The following AKAP19 variants were observed in gnomAD, a reference collection of about 807,000 sequenced individuals.
The protein encoded by AKAP19 is A-kinase anchoring protein 19.
chr2:190,202,442 A>T, the AKAP19 span: 1 of 167,056 alleles, frequency 6.0e-6, no homozygotes, highest in Non-Finnish European at 1.5e-5. Context: ...CAAATGAAAA[A>T]AGATGAATAA....
the AKAP19 span, among the ~76,000 whole-genome samples, chr2:190,045,492 G>A: frequency 2.6e-5 from 4 of 152,180 alleles, no homozygotes; most frequent in African/African-American, 9.6e-5. Flanking sequence ...CCCACTGAAA[G>A]CAGCAGTTTG....
At chr2:189,977,021 C>A in the AKAP19 span, among the ~76,000 whole-genome samples, 1 of 152,180 alleles carries the variant, frequency 6.6e-6, no homozygotes, top group Non-Finnish European at 1.5e-5. Flanking sequence ...TGAGATGAAG[C>A]TGCTACCCCA....
the AKAP19 span, among the ~76,000 whole-genome samples, chr2:189,938,834 C>T: frequency 2.6e-5 from 4 of 152,130 alleles, no homozygotes; most frequent in Non-Finnish European, 5.9e-5. Context: ...CCCATAAATA[C>T]ATATATCTAC....
chr2:189,894,585 A>G, the AKAP19 span, among the ~76,000 whole-genome samples: 5 of 151,944 alleles, frequency 3.3e-5, no homozygotes, highest in African/African-American at 4.8e-5. Context: ...TCTCATGACC[A>G]TATCAGACAA....
the AKAP19 span, among the ~76,000 whole-genome samples, chr2:190,093,552 T>C: frequency 6.6e-6 from 1 of 152,226 alleles, no homozygotes; most frequent in Admixed American, 6.5e-5. Context: ...TAGAGTTTAG[T>C]TTAACATTAT....
the AKAP19 span, among the ~76,000 whole-genome samples, chr2:190,088,090 A>G: frequency 1.3e-5 from 2 of 152,334 alleles, no homozygotes; most frequent in South Asian, 2.1e-4. Flanking sequence ...TATTATACCT[A>G]TTTTAAAGAT....
the AKAP19 span, among the ~76,000 whole-genome samples, chr2:189,975,413 G>A: frequency 5.4e-4 from 82 of 152,162 alleles, no homozygotes; most frequent in Non-Finnish European, 1.0e-3. Flanking sequence ...TGCCCTTAAC[G>A]TTTTTTCCTT....
At chr2:190,200,411 AGCACTTC>A in the AKAP19 span, 1 of 366,806 alleles carries the variant, frequency 2.7e-6, no homozygotes, top group Admixed American at 4.2e-5. Context: ...TGAATGTCAC[AGCACTTC>A]TTCCTAAGTA....
the AKAP19 span, among the ~76,000 whole-genome samples, chr2:189,993,360 A>C: frequency 1.3e-5 from 2 of 152,202 alleles, no homozygotes; most frequent in Non-Finnish European, 2.9e-5. Flanking sequence ...CCTGGTATGA[A>C]ACCCACTTGA....
chr2:189,974,846 C>T, the AKAP19 span, among the ~76,000 whole-genome samples: 1 of 152,150 alleles, frequency 6.6e-6, no homozygotes, highest in Non-Finnish European at 1.5e-5. Context: ...GATCTTCCTC[C>T]ATCCCTTTAT....
chr2:189,926,347 T>C, the AKAP19 span, among the ~76,000 whole-genome samples: 2 of 152,164 alleles, frequency 1.3e-5, no homozygotes, highest in African/African-American at 4.8e-5. Context: ...CAGGCTGGAG[T>C]GCAGTGGCGC....
At chr2:190,181,938 G>A in the AKAP19 span, among the ~76,000 whole-genome samples, 1 of 152,004 alleles carries the variant, frequency 6.6e-6, no homozygotes, top group Non-Finnish European at 1.5e-5. Context: ...ACATTATTTA[G>A]GCATTCTGCT....
chr2:189,885,867 G>A, the AKAP19 span, among the ~76,000 whole-genome samples: 1 of 152,200 alleles, frequency 6.6e-6, no homozygotes, highest in African/African-American at 2.4e-5. Flanking sequence ...GGAGTGCAAT[G>A]GTACAATCTC....
the AKAP19 span, among the ~76,000 whole-genome samples, chr2:190,089,080 C>T: frequency 2.6e-5 from 4 of 152,272 alleles, no homozygotes; most frequent in Non-Finnish European, 5.9e-5. Flanking sequence ...AATGCTCTTT[C>T]ATGTTGTAGT....
chr2:190,113,238 C>G, the AKAP19 span, among the ~76,000 whole-genome samples: 1 of 151,894 alleles, frequency 6.6e-6, no homozygotes, highest in African/African-American at 2.4e-5. Flanking sequence ...TGAAATTTTC[C>G]TCATGATATT....
At chr2:190,070,465 C>A in the AKAP19 span, among the ~76,000 whole-genome samples, 1 of 151,348 alleles carries the variant, frequency 6.6e-6, no homozygotes, top group African/African-American at 2.4e-5. Context: ...AAAAAACTTT[C>A]ATTTAATTAG....
chr2:189,936,259 T>TACAG, the AKAP19 span, among the ~76,000 whole-genome samples: 1 of 148,952 alleles, frequency 6.7e-6, no homozygotes. Context: ...GACTTGTTGA[T>TACAG]ACACACACAC....
At chr2:189,950,026 G>C in the AKAP19 span, among the ~76,000 whole-genome samples, 4 of 32,102 alleles carry the variant, frequency 1.2e-4, no homozygotes, top group Admixed American at 5.1e-4. Context: ...TTTTGGTTTT[G>C]GGTTTTTTTT....
the AKAP19 span, among the ~76,000 whole-genome samples, chr2:189,940,864 C>T: frequency 1.3e-5 from 2 of 152,010 alleles, no homozygotes; most frequent in Non-Finnish European, 1.5e-5. Context: ...GCACTCCAAC[C>T]TGGGCGACAG....
Sources: allele counts gnomAD v4.1 joint callset (sites outside exome capture counted in the v4.1 genomes callset), GRCh38; gene constraint gnomAD v4.1.1; transcripts MANE v1.5; gene names NCBI Gene and HGNC (gene_info 2026-07-23, HGNC 2026-07-21).